Variants in NTRK3 observed in about 807,000 individuals in gnomAD.
The protein encoded by NTRK3 is neurotrophic receptor tyrosine kinase 3.
NTRK3 carries 24 observed loss-of-function variants against 91.7 expected under a neutral mutation model. The observed-to-expected ratio is 0.26, with a 90% CI of 0.19 to 0.37. The LOEUF (loss-of-function observed/expected upper bound fraction) is 0.37, where lower values mean the gene tolerates loss of function less well. Among genes scored for constraint, NTRK3 ranks in the 10% least tolerant of loss-of-function variants. The pLI is 1.00. For synonymous variants in NTRK3, 483 were observed against 404.0 expected (o/e 1.20, Z -2.34); for missense variants, 880 against 1,068.9 (o/e 0.82, Z 2.46).
At chr15:87,947,855 A>C (rs2070726293) in intron 14 of NTRK3, among the ~76,000 whole-genome samples, 2 of 152,184 alleles carry the variant, frequency 1.3e-5, no homozygotes, top group Non-Finnish European at 2.9e-5. Flanking sequence ...AATGTCTTTA[A>C]ATGGAAAAGA....
intron 14 of NTRK3, among the ~76,000 whole-genome samples, chr15:88,032,357 G>A (rs1243421490): frequency 6.6e-6 from 1 of 152,154 alleles, no homozygotes; most frequent in Admixed American, 6.5e-5. Context: ...CGCTGGGGCT[G>A]TGATCTGATT....
intron 13 of NTRK3, among the ~76,000 whole-genome samples, chr15:88,071,528 CTGAGA>C (rs1217254779): frequency 4.6e-5 from 7 of 152,204 alleles, no homozygotes; most frequent in Admixed American, 4.6e-4. Flanking sequence ...TCTGATACAG[CTGAGA>C]TAAGGAAAAA....
rs74869436 is a variant in NTRK3 at position 87,914,185 on chromosome 15, G to A, written c.2133+15006C>T. ...AGCTTCCCACATGGACTAGCTCACT[G>A]AGAACAAATGCTTTGATGCTATGGC... On this transcript the variant is annotated intron_variant, in intron 17 of 18. Transcript: ENST00000394480. Among the ~76,000 whole-genome samples, 903 of 152,204 alleles carry A rather than the reference G, an allele frequency of 5.9e-3. 14 individuals are homozygous for A. The highest frequency in any genetic ancestry group is 0.034 in the East Asian group (174 of 5,174).
At chr15:88,161,302 C>G (rs2044431049) in intron 5 of NTRK3, among the ~76,000 whole-genome samples, 1 of 152,262 alleles carries the variant, frequency 6.6e-6, no homozygotes, top group African/African-American at 2.4e-5. Context: ...GGGTCAGTAG[C>G]TGCTGTGTGG....
chr15:87,863,227 T>C, exon 19 of NTRK3: 1 of 227,428 alleles, frequency 4.4e-6, no homozygotes, highest in East Asian at 6.3e-5. Context: ...GGCTTGGTAA[T>C]AAATGAAAGA....
intron 17 of NTRK3, among the ~76,000 whole-genome samples, chr15:87,888,115 T>C (rs1596096647): frequency 6.6e-6 from 1 of 152,290 alleles, no homozygotes; most frequent in East Asian, 1.9e-4. Flanking sequence ...CTTGGTACCT[T>C]CCACCGATCA....
chr15:88,166,057 T>C (rs772170544), intron 5 of NTRK3, among the ~76,000 whole-genome samples: 1 of 152,200 alleles, frequency 6.6e-6, no homozygotes, highest in South Asian at 2.1e-4. Flanking sequence ...ACTTTATCTA[T>C]TCCTGTGAGA....
chr15:88,184,899 C>T (rs955694002), intron 3 of NTRK3, among the ~76,000 whole-genome samples: 8 of 152,162 alleles, frequency 5.3e-5, no homozygotes, highest in African/African-American at 1.9e-4. Flanking sequence ...GGAGCTGACT[C>T]CAGAGAGTGG....
chr15:87,866,173 T>C (rs1460135621), exon 19 of NTRK3: 7 of 224,964 alleles, frequency 3.1e-5, no homozygotes, highest in Non-Finnish European at 6.2e-5. Context: ...ACAATGTTTT[T>C]CCAAGATCTC....
intron 14 of NTRK3, chr15:87,981,409 C>T: frequency 6.2e-7 from 1 of 1,611,920 alleles, no homozygotes; most frequent in Non-Finnish European, 8.5e-7. Context: ...TATTAAACCC[C>T]AAGTGCAAAA....
At chr15:88,122,394 CA>C (rs1227544374) in intron 13 of NTRK3, among the ~76,000 whole-genome samples, 1 of 152,132 alleles carries the variant, frequency 6.6e-6, no homozygotes, top group Non-Finnish European at 1.5e-5. Flanking sequence ...CAGAGACACA[CA>C]GAGACAGAGA....
At chr15:87,890,047 A>G (rs1046542913) in intron 17 of NTRK3, among the ~76,000 whole-genome samples, 1 of 151,762 alleles carries the variant, frequency 6.6e-6, no homozygotes, top group African/African-American at 2.4e-5. Context: ...ATTTCACTGT[A>G]TCCCCATGGG....
At chr15:88,108,603 T>C (rs539328600) in intron 13 of NTRK3, among the ~76,000 whole-genome samples, 1 of 152,304 alleles carries the variant, frequency 6.6e-6, no homozygotes, top group African/African-American at 2.4e-5. Context: ...TTATAGAGGA[T>C]AAAAGTAAAG....
chr15:88,066,759 G>C (rs189189535), intron 13 of NTRK3, among the ~76,000 whole-genome samples: 39 of 152,268 alleles, frequency 2.6e-4, no homozygotes, highest in Middle Eastern at 3.4e-3. Flanking sequence ...AACAGTGCCA[G>C]CCTGGGATGG....
At chr15:88,113,567 C>T (rs1288512238) in intron 13 of NTRK3, among the ~76,000 whole-genome samples, 2 of 152,174 alleles carry the variant, frequency 1.3e-5, no homozygotes, top group Admixed American at 6.5e-5. Context: ...CCAGCCGCCT[C>T]AGCCTCCCAA....
At chr15:87,874,750 G>A (rs1011734758) in exon 19 of NTRK3, 8 of 232,256 alleles carry the variant, frequency 3.4e-5, no homozygotes, top group African/African-American at 1.8e-4. Flanking sequence ...ATCAAAGCCA[G>A]ATTGTGCAGC....
At chr15:88,073,463 G>C (rs1226675600) in intron 13 of NTRK3, among the ~76,000 whole-genome samples, 1 of 152,102 alleles carries the variant, frequency 6.6e-6, no homozygotes, top group Non-Finnish European at 1.5e-5. Context: ...GGCGGGTGTT[G>C]TCACAAGCCT....
chr15:88,253,199 G>T (rs1319892740), intron 3 of NTRK3: 1 of 152,214 alleles, frequency 6.6e-6, no homozygotes, highest in African/African-American at 2.4e-5. Context: ...GGGACCTCTT[G>T]GTCCCATTTC....
At chr15:88,183,392 A>C (rs769877555) in intron 5 of NTRK3, 26 bp downstream of exon 5, 1 of 1,612,736 alleles carries the variant, frequency 6.2e-7, no homozygotes, top group Non-Finnish European at 8.5e-7. Context: ...ATGTGCCCCC[A>C]ATCCCTGCAG....
Sources: allele counts gnomAD v4.1 joint callset (sites outside exome capture counted in the v4.1 genomes callset), GRCh38; gene constraint gnomAD v4.1.1; transcripts MANE v1.5; gene names NCBI Gene and HGNC (gene_info 2026-07-23, HGNC 2026-07-21).